Variants in RPGRIP1L observed in about 807,000 individuals in gnomAD.
RPGRIP1L encodes RPGRIP1 like, also known as protein fantom.
A neutral mutation model predicts 160.4 loss-of-function variants in RPGRIP1L; 131 were observed. The ratio of observed to expected loss-of-function variants is 0.82; its 90% CI spans 0.71 to 0.94. The LOEUF (loss-of-function observed/expected upper bound fraction) is 0.94. Ranked by LOEUF, RPGRIP1L falls within the 40% of genes least tolerant of loss-of-function variation. The pLI is 0.00. For missense variants in RPGRIP1L, 1,522 were observed against 1,535.8 expected (o/e 0.99, Z 0.15); for synonymous variants, 510 against 515.8 (o/e 0.99, Z 0.15).
rs151226475 is a variant in RPGRIP1L at position 53,600,492 on chromosome 16, C to T, written c.*1584G>A. On this transcript the variant is annotated 3_prime_UTR_variant, in exon 27 of 27. Transcript: ENST00000647211. ...GGACAGGGAGGCCCAGTGGTATAGA[C>T]AGAATTTATAGATTTCTGTGGTCAG... 1.3e-5 allele frequency: 2 copies of T among 152,566 alleles called. No homozygotes were observed. Among genetic ancestry groups the T allele is most frequent in the Admixed American group, 6.5e-5 (1 of 15,268 alleles). 9.5% of individuals were successfully genotyped at this position (152,566 alleles called of 1,614,324 possible).
chr16:53,622,432 T>A (rs147778176), intron 22 of RPGRIP1L, 76 bp from the exon 23 acceptor site: 8 of 544,088 alleles, frequency 1.5e-5, no homozygotes, highest in Non-Finnish European at 2.6e-5. Flanking sequence ...CATCTCAGCA[T>A]GTCAGAAATG....
At chr16:53,627,177 T>C (rs1030756775) in intron 22 of RPGRIP1L, among the ~76,000 whole-genome samples, 1 of 152,190 alleles carries the variant, frequency 6.6e-6, no homozygotes, top group South Asian at 2.1e-4. Flanking sequence ...TGGAGTTGAA[T>C]TGTTGGGCTT....
chr16:53,645,934 G>A lies in RPGRIP1L; in HGVS notation c.2374C>T (p.Leu792Phe). The change falls in exon 17 of 27, where the codon CTT becomes TTT. Residue 792 changes from leucine to phenylalanine, a missense_variant. Coordinates refer to ENST00000647211, the MANE Select transcript of RPGRIP1L (RefSeq NM_015272.5). ...TTGCAACATCTTATTGTAATGTGAA[G>A]TTCATTTAAGTTGCCATCTGTGGAA... ...TDSTDGNLNE[L>F]HITIRCCNHL... 1.2e-6 allele frequency: 2 copies of A among 1,614,094 alleles called. No individual in the cohort carries two copies. The highest frequency in any genetic ancestry group is 1.7e-6 in the Non-Finnish European group (2 of 1,179,988).
chr16:53,656,727 C>T, intron 13 of RPGRIP1L, 138 bp from the exon 14 acceptor site: 2 of 684,882 alleles, frequency 2.9e-6, no homozygotes, highest in Non-Finnish European at 5.2e-6. Flanking sequence ...CCTCAAGTAG[C>T]TTACACTTTA....
intron 7 of RPGRIP1L, among the ~76,000 whole-genome samples, chr16:53,673,840 A>G (rs1267972182): frequency 6.6e-6 from 1 of 151,976 alleles, no homozygotes; most frequent in East Asian, 1.9e-4. Context: ...TTAACCTCTC[A>G]ATTTTTTACC....
At chr16:53,618,622 C>A (rs761371104) in intron 24 of RPGRIP1L, among the ~76,000 whole-genome samples, 1 of 152,198 alleles carries the variant, frequency 6.6e-6, no homozygotes, top group Non-Finnish European at 1.5e-5. Flanking sequence ...GAGCTCACTG[C>A]AGGCTCACCC....
rs918783007 is a variant in RPGRIP1L, at chr16:53,671,694, C to T, written c.1030-111G>A. 5 of 598,572 alleles carry T rather than the reference C, an allele frequency of 8.4e-6. No homozygotes were observed. The East Asian group carries it at 8.7e-5, about 10-fold the overall frequency. 37.1% of individuals were successfully genotyped at this position (598,572 alleles called of 1,614,324 possible). ...AGAGAAGGTTAACATGTTTTAATCT[C>T]GATTGCTAAATGGTAGCTGCTAACC... is the stretch of plus-strand genomic sequence containing the variant. On this transcript the variant is annotated intron_variant, in intron 8 of 26. Coordinates refer to ENST00000647211, the MANE Select transcript of RPGRIP1L (RefSeq NM_015272.5).
chr16:53,698,115 C>T (rs983858222), intron 2 of RPGRIP1L, among the ~76,000 whole-genome samples: 3 of 149,492 alleles, frequency 2.0e-5, no homozygotes, highest in African/African-American at 7.4e-5. Flanking sequence ...GGGAGGAGAC[C>T]CTCCGCCCGG....
intron 22 of RPGRIP1L, among the ~76,000 whole-genome samples, chr16:53,626,707 A>G (rs1965203024): frequency 6.6e-6 from 1 of 151,030 alleles, no homozygotes; most frequent in Admixed American, 6.6e-5. Flanking sequence ...CGGGAGGCTG[A>G]GGCAGGAGAA....
chr16:53,687,928 T>C lies in RPGRIP1L; in HGVS notation c.567A>G (p.Pro189=). The C allele has an allele frequency of 6.2e-7, 1 of 1,611,244 alleles. No individual in the cohort carries two copies. The highest frequency in any genetic ancestry group is 8.5e-7 in the Non-Finnish European group (1 of 1,177,752). The change falls in exon 5 of 27, where the codon CCA becomes CCG. Residue 189 remains proline (P), a synonymous_variant. Transcript: ENST00000647211. The part of the protein sequence containing the change: ...KFQDADVAET[P]HPMFTKYGNS... ...TGCCATATTTTGTAAACATGGGATG[T>C]GGAGTTTCTGCTACATCTGCATCTT...
intron 19 of RPGRIP1L, 43 bp downstream of exon 19, chr16:53,640,990 A>G: frequency 7.4e-7 from 1 of 1,358,146 alleles, no homozygotes; most frequent in Non-Finnish European, 1.1e-6. Flanking sequence ...TATTTCAAAT[A>G]TTTGTTATGA....
chr16:53,647,464 C>T (rs181945608), intron 16 of RPGRIP1L, among the ~76,000 whole-genome samples: 138 of 152,308 alleles, frequency 9.1e-4, no homozygotes, highest in Non-Finnish European at 1.6e-3. Flanking sequence ...GTGTTACCTT[C>T]GCTGTTTAAC....
intron 25 of RPGRIP1L, among the ~76,000 whole-genome samples, chr16:53,608,263 C>T (rs1038482729): frequency 1.3e-5 from 2 of 152,212 alleles, no homozygotes; most frequent in East Asian, 1.9e-4. Context: ...AACCAGCTTA[C>T]GTGTCACCTC....
At position 53,600,547 on chromosome 16, in the gene RPGRIP1L, T is replaced by A. The variant is rs955554534; in HGVS notation, c.*1529A>T. On this transcript the variant is annotated 3_prime_UTR_variant, in exon 27 of 27. Transcript: ENST00000647211. ...TACTCTACTGGTCCCACAATGTACA[T>A]CAACAAATTAATATTGTACGGATGT... is the stretch of plus-strand genomic sequence containing the variant. The A allele has an allele frequency of 2.0e-5, 3 of 152,628 alleles. No individual in the cohort carries two copies. Among genetic ancestry groups the A allele is most frequent in the Non-Finnish European group, 4.4e-5 (3 of 68,038 alleles). 9.5% of individuals were successfully genotyped at this position (152,628 alleles called of 1,614,324 possible).
intron 4 of RPGRIP1L, 145 bp from the exon 5 acceptor site, chr16:53,688,110 T>G (rs1970147041): frequency 9.9e-6 from 6 of 606,530 alleles, no homozygotes; most frequent in Non-Finnish European, 1.7e-5. Flanking sequence ...ATAAATACAC[T>G]GCCAAAGGGA....
In RPGRIP1L at chr16:53,649,121, A is replaced by G. The variant is rs371576599; in HGVS notation, c.2153-6T>C. 1.9e-6 allele frequency: 3 copies of G among 1,613,328 alleles called. No individual in the cohort carries two copies. Among genetic ancestry groups the G allele is most frequent in the African/African-American group, 1.3e-5 (1 of 74,924 alleles). ...TGGGATGTCTCCTTTTGTTCCTACA[A>G]ATCAGTACATAACCCAAGGTTAAAA... On this transcript the variant is annotated splice_polypyrimidine_tract_variant and splice_region_variant and intron_variant, in intron 15 of 26. Coordinates refer to ENST00000647211, the MANE Select transcript of RPGRIP1L (RefSeq NM_015272.5).
At chr16:53,602,910 T>C (rs1446346068) in intron 26 of RPGRIP1L, among the ~76,000 whole-genome samples, 1 of 152,242 alleles carries the variant, frequency 6.6e-6, no homozygotes, top group Non-Finnish European at 1.5e-5. Context: ...GTTATTTAAC[T>C]TTCTGAGGAA....
At chr16:53,689,934 G>C (rs909500722) in intron 4 of RPGRIP1L, among the ~76,000 whole-genome samples, 9 of 152,298 alleles carry the variant, frequency 5.9e-5, no homozygotes, top group African/African-American at 2.2e-4. Context: ...TTAAGAGTCT[G>C]CTGATCTGTG....
At chr16:53,632,145 C>G (rs1456228110) in intron 22 of RPGRIP1L, among the ~76,000 whole-genome samples, 1 of 152,132 alleles carries the variant, frequency 6.6e-6, no homozygotes, top group Non-Finnish European at 1.5e-5. Context: ...CTGTTAGATT[C>G]CTTTTAAGGA....
Sources: allele counts gnomAD v4.1 joint callset (sites outside exome capture counted in the v4.1 genomes callset), GRCh38; gene constraint gnomAD v4.1.1; transcripts MANE v1.5; gene names NCBI Gene and HGNC (gene_info 2026-07-23, HGNC 2026-07-21).